Variants in MYCBP2 observed in about 807,000 individuals in gnomAD.
MYCBP2 encodes MYC binding protein 2.
A neutral mutation model predicts 525.3 loss-of-function variants in MYCBP2; 120 were observed. The ratio of observed to expected loss-of-function variants is 0.23; its 90% CI spans 0.20 to 0.27. MYCBP2 has a LOEUF of 0.27. MYCBP2 is among the 10% of genes least tolerant of loss of function. The pLI, the probability that MYCBP2 is intolerant of heterozygous loss-of-function variation, is 1.00. For synonymous variants in MYCBP2, 1,894 were observed against 1,955.8 expected, an observed-to-expected ratio of 0.97 and a Z score of 0.83; for missense variants, 4,149 against 5,657.1, an observed-to-expected ratio of 0.73 and a Z score of 8.55.
intron 31 of MYCBP2, among the ~76,000 whole-genome samples, 175 bp from the exon 32 acceptor site, chr13:77,185,552 G>T (rs186627122): frequency 1.3e-4 from 20 of 152,228 alleles, no homozygotes; most frequent in African/African-American, 4.8e-4. Flanking sequence ...ATGGAAGGGG[G>T]AATAAAAACC....
rs2057280418 is a variant in MYCBP2 at position 77,156,907 on chromosome 13, T to A, written c.6771-705A>T. Among the ~76,000 whole-genome samples, 4 of 152,330 alleles carry A rather than the reference T, an allele frequency of 2.6e-5. No individual in the cohort carries two copies. In the South Asian group the frequency reaches 8.3e-4, roughly 32 times the overall value. Reference sequence around the variant, plus strand: ...ATTTGACATTCCTCTCCAATCACTATTTTGTGATTTTTAAAAACTAAAGAG... The same window carrying A: ...ATTTGACATTCCTCTCCAATCACTAATTTGTGATTTTTAAAAACTAAAGAG... On this transcript the variant is annotated intron_variant, in intron 45 of 82. Transcript: ENST00000544440.
At chr13:77,250,222 C>CAAA (rs34137754) in intron 15 of MYCBP2, among the ~76,000 whole-genome samples, 1 of 125,186 alleles carries the variant, frequency 8.0e-6, no homozygotes, top group Non-Finnish European at 1.6e-5. Context: ...GACTCCGTCT[C>CAAA]AAAAAAAAAA....
chr13:77,174,615 AT>A, intron 36 of MYCBP2, 126 bp from the exon 37 acceptor site: 5 of 713,086 alleles, frequency 7.0e-6, no homozygotes, highest in Non-Finnish European at 1.1e-5. Flanking sequence ...ATATAATTAA[AT>A]AAGTTTTTAA....
chr13:77,219,597 G>A (rs2065270116), intron 20 of MYCBP2, among the ~76,000 whole-genome samples: 1 of 152,046 alleles, frequency 6.6e-6, no homozygotes, highest in Non-Finnish European at 1.5e-5. Flanking sequence ...TTCATAGCAA[G>A]GACACAACAG....
intron 8 of MYCBP2, among the ~76,000 whole-genome samples, chr13:77,267,227 G>A (rs916764151): frequency 2.6e-5 from 4 of 151,598 alleles, no homozygotes; most frequent in Non-Finnish European, 4.4e-5. Context: ...TGATAATTTA[G>A]CAGTGATTTA....
intron 51 of MYCBP2, 61 bp from the exon 52 acceptor site, chr13:77,139,397 G>A: frequency 6.5e-7 from 1 of 1,535,002 alleles, no homozygotes; most frequent in African/African-American, 1.4e-5. Context: ...AGGCTAGCAA[G>A]GTCTGAAAGT....
At chr13:77,185,024 G>T in intron 32 of MYCBP2, 79 bp downstream of exon 32, 1 of 1,277,304 alleles carries the variant, frequency 7.8e-7, no homozygotes, top group East Asian at 2.4e-5. Context: ...AAGAAGATAT[G>T]GCAACTGCAA....
intron 1 of MYCBP2, among the ~76,000 whole-genome samples, chr13:77,316,904 A>G (rs2081011060): frequency 6.6e-6 from 1 of 151,728 alleles, no homozygotes; most frequent in African/African-American, 2.4e-5. Flanking sequence ...CCTCCTCCAC[A>G]TGAACAAGGA....
Position 77,061,221 on chromosome 13 carries a change from T to C in MYCBP2, c.12984A>G (p.Ala4328=). The stretch of plus-strand genomic sequence containing the variant: ...CCTTCATTGTTTTAGAATCTGCCAG[T>C]GCCATCAACCAGAACAATTTGGTTC... ...CGRTKLFWLM[A]LADSKTMKAM... The change falls in exon 76 of 83, where the codon GCA becomes GCG. Residue 4328 remains alanine, a synonymous_variant. Transcript: ENST00000544440. The C allele has an allele frequency of 6.2e-7, 1 of 1,612,760 alleles. No homozygotes were observed. The highest frequency in any genetic ancestry group is 8.5e-7 in the Non-Finnish European group (1 of 1,179,372).
At chr13:77,222,816 G>A (rs1228437877) in intron 20 of MYCBP2, among the ~76,000 whole-genome samples, 1 of 152,164 alleles carries the variant, frequency 6.6e-6, no homozygotes, top group Non-Finnish European at 1.5e-5. Context: ...AGTAGAGTGA[G>A]TTCAAGACAC....
chr13:77,201,073 C>T (rs568138193), intron 26 of MYCBP2, among the ~76,000 whole-genome samples: 69 of 152,200 alleles, frequency 4.5e-4, no homozygotes, highest in African/African-American at 1.4e-3. Context: ...GGACTAAATG[C>T]TCCAATTAAA....
At chr13:77,195,720 T>G (rs1231746041) in intron 26 of MYCBP2, among the ~76,000 whole-genome samples, 1 of 152,230 alleles carries the variant, frequency 6.6e-6, no homozygotes, top group Non-Finnish European at 1.5e-5. Flanking sequence ...TTTCAACAAC[T>G]AATTAGTCTT....
At chr13:77,102,010 T>C (rs566187275) in intron 55 of MYCBP2, among the ~76,000 whole-genome samples, 6 of 151,930 alleles carry the variant, frequency 3.9e-5, no homozygotes, top group Non-Finnish European at 8.8e-5. Flanking sequence ...TATGCAAACA[T>C]TTTTCTAACT....
At chr13:77,220,296 AG>A (rs754017235) in intron 20 of MYCBP2, among the ~76,000 whole-genome samples, 4 of 152,144 alleles carry the variant, frequency 2.6e-5, no homozygotes, top group Non-Finnish European at 5.9e-5. Context: ...ATAAAGTCAA[AG>A]GGAAATAAAG....
chr13:77,070,992 A>G (rs1191374692), intron 68 of MYCBP2, among the ~76,000 whole-genome samples: 1 of 152,184 alleles, frequency 6.6e-6, no homozygotes, highest in African/African-American at 2.4e-5. Context: ...CTATTTCTAA[A>G]TTGTAAACAT....
At chr13:77,168,899 T>C (rs1208705167) in intron 39 of MYCBP2, among the ~76,000 whole-genome samples, 1 of 152,244 alleles carries the variant, frequency 6.6e-6, no homozygotes, top group East Asian at 1.9e-4. Flanking sequence ...TTTTACTTAA[T>C]TATGCCAAAG....
intron 14 of MYCBP2, among the ~76,000 whole-genome samples, chr13:77,252,407 T>A (rs1481844171): frequency 6.6e-6 from 1 of 152,192 alleles, no homozygotes; most frequent in Non-Finnish European, 1.5e-5. Flanking sequence ...GCTTATAATG[T>A]AGTAAGAAAG....
intron 27 of MYCBP2, 119 bp from the exon 28 acceptor site, chr13:77,191,932 T>C (rs947240916): frequency 3.1e-6 from 3 of 955,956 alleles, no homozygotes; most frequent in Non-Finnish European, 3.1e-6. Context: ...AAAATTCTTA[T>C]CAAACAACAT....
intron 3 of MYCBP2, 71 bp from the exon 4 acceptor site, chr13:77,278,982 G>T: frequency 9.1e-7 from 1 of 1,098,136 alleles, no homozygotes; most frequent in East Asian, 2.9e-5. Context: ...CAGTTTAGTT[G>T]GTACAAGTTA....
Sources: gnomAD v4.1 joint callset for allele counts (sites outside exome capture counted in the v4.1 genomes callset) on GRCh38, gnomAD v4.1.1 for gene constraint, MANE v1.5 for transcripts, NCBI Gene and HGNC (gene_info 2026-07-23, HGNC 2026-07-21) for gene names.